Variants in CAMKMT observed in about 807,000 individuals in gnomAD.
CAMKMT encodes the protein calmodulin-lysine N-methyltransferase, also known as CaM KMT.
Under a neutral mutation model 48.0 loss-of-function variants are expected in CAMKMT, and 53 were observed. The observed-to-expected ratio is 1.10, with a 90% CI of 0.89 to 1.39. The LOEUF is 1.39. CAMKMT is among the 40% of genes most tolerant of loss of function. The pLI is 0.00. For missense variants in CAMKMT, 428 were observed against 402.7 expected, an observed-to-expected ratio of 1.06 and a Z score of -0.54; for synonymous variants, 165 against 152.3, an observed-to-expected ratio of 1.08 and a Z score of -0.61.
intron 3 of CAMKMT, among the ~76,000 whole-genome samples, chr2:44,634,409 C>T (rs1039824584): frequency 4.0e-5 from 6 of 151,758 alleles, no homozygotes; most frequent in African/African-American, 9.7e-5. Context: ...AACAATGGTT[C>T]GATATATTTT....
intron 2 of CAMKMT, among the ~76,000 whole-genome samples, chr2:44,387,433 G>A (rs1465421093): frequency 1.3e-5 from 2 of 152,194 alleles, no homozygotes; most frequent in Admixed American, 6.5e-5. Flanking sequence ...CTTGAAGGCA[G>A]CAGATAGTTG....
chr2:44,662,158 G>T (rs984247693), intron 3 of CAMKMT, among the ~76,000 whole-genome samples: 2 of 152,198 alleles, frequency 1.3e-5, no homozygotes, highest in African/African-American at 2.4e-5. Context: ...TCTTGGATCT[G>T]CATGAGCCTT....
At chr2:44,432,907 G>C (rs917225740) in intron 3 of CAMKMT, among the ~76,000 whole-genome samples, 2 of 151,796 alleles carry the variant, frequency 1.3e-5, no homozygotes, top group Non-Finnish European at 2.9e-5. Flanking sequence ...CGTGGCTATT[G>C]TGAGAATTAA....
At chr2:44,744,291 A>G (rs189596272) in intron 8 of CAMKMT, among the ~76,000 whole-genome samples, 3 of 152,338 alleles carry the variant, frequency 2.0e-5, no homozygotes, top group East Asian at 3.9e-4. Context: ...AAATAATAAC[A>G]TGACAATCTC....
intron 3 of CAMKMT, among the ~76,000 whole-genome samples, chr2:44,531,610 G>T (rs868396262): frequency 1.3e-5 from 2 of 151,954 alleles, no homozygotes; most frequent in South Asian, 2.1e-4. Flanking sequence ...TTTTTTCATA[G>T]GGCTTTCCAC....
At chr2:44,695,475 T>C (rs1043921226) in intron 3 of CAMKMT, among the ~76,000 whole-genome samples, 3 of 152,218 alleles carry the variant, frequency 2.0e-5, no homozygotes, top group African/African-American at 7.2e-5. Flanking sequence ...GCTTAAAGCA[T>C]TGATGCTAAA....
chr2:44,521,633 G>T (rs1671117720), intron 3 of CAMKMT, among the ~76,000 whole-genome samples: 1 of 152,164 alleles, frequency 6.6e-6, no homozygotes, highest in Non-Finnish European at 1.5e-5. Flanking sequence ...TAGGCAACTT[G>T]CCTAGAATTA....
intron 3 of CAMKMT, among the ~76,000 whole-genome samples, chr2:44,494,832 C>G (rs1669680893): frequency 6.6e-6 from 1 of 152,182 alleles, no homozygotes; most frequent in South Asian, 2.1e-4. Flanking sequence ...TCACCTCCTG[C>G]CCTTGTTGGG....
intron 3 of CAMKMT, among the ~76,000 whole-genome samples, chr2:44,544,551 G>A (rs1458358028): frequency 6.6e-6 from 1 of 152,218 alleles, no homozygotes; most frequent in Non-Finnish European, 1.5e-5. Flanking sequence ...AGATGTCATT[G>A]TTTGCTGCTG....
At chr2:44,442,749 G>A (rs891279622) in intron 3 of CAMKMT, among the ~76,000 whole-genome samples, 1 of 152,168 alleles carries the variant, frequency 6.6e-6, no homozygotes, top group African/African-American at 2.4e-5. Context: ...AGTTCATCCT[G>A]CTGTTGCAGC....
intron 7 of CAMKMT, among the ~76,000 whole-genome samples, chr2:44,735,676 C>T (rs756533934): frequency 4.6e-5 from 7 of 151,248 alleles, no homozygotes; most frequent in Non-Finnish European, 8.8e-5. Flanking sequence ...CCAAAGTGGG[C>T]GGATCACTTA....
intron 3 of CAMKMT, among the ~76,000 whole-genome samples, chr2:44,504,056 C>T (rs1176797674): frequency 4.0e-5 from 6 of 150,298 alleles, no homozygotes; most frequent in Non-Finnish European, 7.4e-5. Flanking sequence ...TTGTAAGGGC[C>T]CAGATGCTGT....
chr2:44,367,064 G>T (rs1056724701), intron 1 of CAMKMT, among the ~76,000 whole-genome samples: 3 of 152,104 alleles, frequency 2.0e-5, no homozygotes, highest in African/African-American at 4.8e-5. Flanking sequence ...TATAGCTTCC[G>T]CATGTAAAGG....
At chr2:44,544,190 A>C (rs1572760223) in intron 3 of CAMKMT, among the ~76,000 whole-genome samples, 1 of 152,084 alleles carries the variant, frequency 6.6e-6, no homozygotes, top group African/African-American at 2.4e-5. Flanking sequence ...AAAATAGTCA[A>C]TGAAATTCTT....
chr2:44,749,998 T>G (rs1291122813), intron 8 of CAMKMT, among the ~76,000 whole-genome samples: 1 of 152,230 alleles, frequency 6.6e-6, no homozygotes, highest in Non-Finnish European at 1.5e-5. Context: ...ACAAGGTTGC[T>G]GAGTGTTCTA....
intron 3 of CAMKMT, among the ~76,000 whole-genome samples, chr2:44,577,618 CA>C (rs976059297): frequency 7.3e-6 from 1 of 136,998 alleles, no homozygotes; most frequent in African/African-American, 2.7e-5. Flanking sequence ...GACCCTGTCT[CA>C]AAAAAAATGA....
intron 3 of CAMKMT, among the ~76,000 whole-genome samples, chr2:44,415,242 G>A (rs1200845130): frequency 6.6e-6 from 1 of 152,212 alleles, no homozygotes; most frequent in African/African-American, 2.4e-5. Flanking sequence ...GTACAACTGA[G>A]TTACTAAAAG....
At chr2:44,476,880 T>G (rs1668716659) in intron 3 of CAMKMT, among the ~76,000 whole-genome samples, 1 of 152,168 alleles carries the variant, frequency 6.6e-6, no homozygotes, top group African/African-American at 2.4e-5. Flanking sequence ...TGCTTATGAA[T>G]AAAAAGCACC....
At chr2:44,647,549 G>A (rs986605793) in intron 3 of CAMKMT, among the ~76,000 whole-genome samples, 3 of 152,104 alleles carry the variant, frequency 2.0e-5, no homozygotes, top group Non-Finnish European at 4.4e-5. Flanking sequence ...TTAACATTCT[G>A]TGGTAACTGA....
Sources: allele counts gnomAD v4.1 joint callset (sites outside exome capture counted in the v4.1 genomes callset), GRCh38; gene constraint gnomAD v4.1.1; transcripts MANE v1.5; gene names NCBI Gene and HGNC (gene_info 2026-07-23, HGNC 2026-07-21).